Variants in C19orf18 observed in about 807,000 individuals in gnomAD.
C19orf18 encodes uncharacterized protein C19orf18.
In C19orf18, 21 loss-of-function variants were observed where a neutral mutation model predicts 23.3. The observed-to-expected ratio is 0.90, with a 90% CI of 0.64 to 1.30. The LOEUF (loss-of-function observed/expected upper bound fraction) is 1.30, where lower values mean the gene tolerates loss of function less well. C19orf18 is among the 50% of genes most tolerant of loss of function. The pLI is 0.00. For synonymous variants in C19orf18, 96 were observed against 95.2 expected (o/e 1.01, Z -0.05); for missense variants, 249 against 259.6 (o/e 0.96, Z 0.28).
In C19orf18 at chr19:57,972,694, C is replaced by G. The variant is rs147698410; in HGVS notation, c.227-190G>C. On this transcript the variant is annotated intron_variant, in intron 2 of 5. Coordinates refer to ENST00000314391, the MANE Select transcript of C19orf18 (RefSeq NM_152474.5). ...CAATGTGTGGGTTAATTTGCAGAAG[C>G]CTGGTGAGCCTGCTGTTCTTTTTGC... 5.9e-5 allele frequency among the ~76,000 whole-genome samples: 9 copies of G among 152,292 alleles called. No homozygotes were observed. In the East Asian group the frequency reaches 1.5e-3, roughly 26 times the overall value.
At chr19:57,973,443 C>T (rs1003355076) in intron 2 of C19orf18, among the ~76,000 whole-genome samples, 10 of 151,312 alleles carry the variant, frequency 6.6e-5, no homozygotes, top group Non-Finnish European at 1.3e-4. Flanking sequence ...AAAGAATTCT[C>T]GGCTGGGCAT....
At chr19:57,964,991 A>T (rs1407820466) in intron 4 of C19orf18, among the ~76,000 whole-genome samples, 1 of 152,180 alleles carries the variant, frequency 6.6e-6, no homozygotes, top group Non-Finnish European at 1.5e-5. Flanking sequence ...GAAGACGGTG[A>T]TGTAACTTCC....
intron 2 of C19orf18, among the ~76,000 whole-genome samples, chr19:57,973,824 G>A (rs935516431): frequency 6.6e-6 from 1 of 152,108 alleles, no homozygotes; most frequent in Admixed American, 6.6e-5. Flanking sequence ...ATTCAAGTCA[G>A]ACAGGCATAC....
intron 5 of C19orf18, 111 bp downstream of exon 5, chr19:57,961,280 A>T: frequency 8.9e-7 from 1 of 1,126,368 alleles, no homozygotes; most frequent in Non-Finnish European, 1.3e-6. Flanking sequence ...GAAAGAAAGG[A>T]AAGAAAGAAA....
intron 2 of C19orf18, among the ~76,000 whole-genome samples, chr19:57,972,888 C>T (rs2072954531): frequency 6.6e-6 from 1 of 152,104 alleles, no homozygotes; most frequent in East Asian, 1.9e-4. Flanking sequence ...AAGGGTTGGG[C>T]ACAGTGGCTC....
intron 4 of C19orf18, among the ~76,000 whole-genome samples, chr19:57,961,792 A>G (rs183553195): frequency 5.3e-5 from 8 of 152,340 alleles, no homozygotes; most frequent in South Asian, 2.1e-4. Context: ...GACGTGAACA[A>G]GGCACTCACA....
chr19:57,969,577 A>AAAAAAAAAAAAAAAAAAAAAAAC (rs2072931060), intron 3 of C19orf18, among the ~76,000 whole-genome samples: 1 of 124,904 alleles, frequency 8.0e-6, no homozygotes, highest in African/African-American at 2.6e-5. Flanking sequence ...AAAAAAAAAA[A>AAAAAAAAAAAAAAAAAAAAAAAC]AAAAAAAAAA....
At chr19:57,958,844 T>C in intron 5 of C19orf18, 127 bp from the exon 6 acceptor site, 1 of 540,496 alleles carries the variant, frequency 1.9e-6, no homozygotes, top group Non-Finnish European at 3.2e-6. Flanking sequence ...GGATTCATAA[T>C]GAATGTTATT....
intron 1 of C19orf18, 21 bp from the exon 2 acceptor site, chr19:57,974,224 C>T (rs367950109): frequency 7.7e-5 from 124 of 1,612,980 alleles, no homozygotes; most frequent in South Asian, 2.1e-4. Flanking sequence ...AAACTTTTTG[C>T]GGTGAAATGT....
intron 3 of C19orf18, among the ~76,000 whole-genome samples, chr19:57,967,346 A>G (rs552823639): frequency 1.3e-5 from 2 of 152,364 alleles, no homozygotes; most frequent in African/African-American, 4.8e-5. Context: ...GTTTTTTAAC[A>G]TGTGAACACT....
intron 5 of C19orf18, among the ~76,000 whole-genome samples, chr19:57,959,190 G>A (rs1052829968): frequency 3.3e-5 from 5 of 152,102 alleles, no homozygotes; most frequent in African/African-American, 9.7e-5. Flanking sequence ...AGGTACCCAC[G>A]AATCTCAGAA....
At chr19:57,961,119 C>T (rs2072868067) in intron 5 of C19orf18, among the ~76,000 whole-genome samples, 1 of 152,068 alleles carries the variant, frequency 6.6e-6, no homozygotes, top group Admixed American at 6.6e-5. Flanking sequence ...CCTGTACTCC[C>T]AGCTACTCGG....
intron 5 of C19orf18, among the ~76,000 whole-genome samples, chr19:57,959,838 G>A (rs1249454134): frequency 2.7e-5 from 4 of 149,960 alleles, no homozygotes; most frequent in South Asian, 2.1e-4. Context: ...GGCCAGGAGC[G>A]GTGGCTCACA....
chr19:57,966,698 A>ATATT (rs2072910866), intron 3 of C19orf18, 66 bp from the exon 4 acceptor site: 1 of 1,102,982 alleles, frequency 9.1e-7, no homozygotes, highest in African/African-American at 1.6e-5. Context: ...TTCAGTTAAT[A>ATATT]TATTTGTCCT....
At chr19:57,961,107 C>T (rs1298896412) in intron 5 of C19orf18, among the ~76,000 whole-genome samples, 4 of 151,724 alleles carry the variant, frequency 2.6e-5, no homozygotes, top group South Asian at 4.2e-4. Context: ...TGGTGGCGGG[C>T]GCCTGTACTC....
chr19:57,959,794 CAA>C lies in C19orf18; in HGVS notation c.533-1079_533-1078del, dbSNP rs35485603. Among the ~76,000 whole-genome samples the C allele has an allele frequency of 2.6e-3, 259 of 99,286 alleles. No individual in the cohort carries two copies. The East Asian group carries it at 0.033, about 13-fold the overall frequency. 65.1% of individuals were successfully genotyped at this position (99,286 alleles called of 152,430 possible). A position where few individuals can be genotyped will look rare whatever the true frequency, so the allele number is the denominator to read the frequency against. On this transcript the variant is annotated intron_variant, in intron 5 of 5. Coordinates refer to ENST00000314391, the MANE Select transcript of C19orf18 (RefSeq NM_152474.5). ...TGGGTGACGTAGTGAAACTCTGCCT[CAA>C]AAAAAAAAAAAAAAAGAAAAAAGAA...
At chr19:57,970,512 G>A (rs2889010) in intron 3 of C19orf18, among the ~76,000 whole-genome samples, 29,164 of 151,878 alleles carry the variant, frequency 0.19, 3,124 homozygotes, top group African/African-American at 0.3. Flanking sequence ...CATATTTGTC[G>A]AACTTCATTA....
chr19:57,972,635 G>T, intron 2 of C19orf18, 131 bp from the exon 3 acceptor site: 1 of 992,036 alleles, frequency 1.0e-6, no homozygotes, highest in Non-Finnish European at 1.5e-6. Flanking sequence ...TCTAAGATGG[G>T]ATGTGTTAAT....
intron 3 of C19orf18, among the ~76,000 whole-genome samples, chr19:57,970,264 T>C (rs997516989): frequency 6.6e-6 from 1 of 152,140 alleles, no homozygotes; most frequent in Non-Finnish European, 1.5e-5. Context: ...TGGCTTCCCC[T>C]CCTCACAGAG....
Sources: gnomAD v4.1 joint callset for allele counts (sites outside exome capture counted in the v4.1 genomes callset) on GRCh38, gnomAD v4.1.1 for gene constraint, MANE v1.5 for transcripts, NCBI Gene and HGNC (gene_info 2026-07-23, HGNC 2026-07-21) for gene names.